The following NFATC2 variants were observed in gnomAD, a reference collection of about 807,000 sequenced individuals.
NFATC2 encodes the protein nuclear factor of activated T cells 2.
NFATC2 carries 22 observed loss-of-function variants against 87.3 expected under a neutral mutation model. The observed-to-expected ratio is 0.25, with a 90% CI of 0.18 to 0.36. The LOEUF (loss-of-function observed/expected upper bound fraction) is 0.36. NFATC2 is among the 10% of genes least tolerant of loss of function. The pLI is 1.00. For synonymous variants in NFATC2, 565 were observed against 542.2 expected (o/e 1.04, Z -0.58); for missense variants, 1,149 against 1,259.1 (o/e 0.91, Z 1.32).
intron 9 of NFATC2, among the ~76,000 whole-genome samples, chr20:51,408,445 C>A (rs1416108464): frequency 7.0e-6 from 1 of 142,348 alleles, no homozygotes; most frequent in Non-Finnish European, 1.5e-5. Flanking sequence ...ACCCAGGAGG[C>A]GTAGGTTGCA....
intron 9 of NFATC2, among the ~76,000 whole-genome samples, chr20:51,400,990 G>A (rs181185371): frequency 6.6e-6 from 1 of 152,048 alleles, no homozygotes; most frequent in East Asian, 1.9e-4. Flanking sequence ...TGGAACATAA[G>A]CACTTCAACA....
At chr20:51,468,105 C>T (rs1214708141) in intron 5 of NFATC2, among the ~76,000 whole-genome samples, 1 of 152,160 alleles carries the variant, frequency 6.6e-6, no homozygotes, top group Non-Finnish European at 1.5e-5. Context: ...AGTTCTAGAA[C>T]AGGGAAGATT....
At chr20:51,406,491 C>A (rs1356726785) in intron 9 of NFATC2, among the ~76,000 whole-genome samples, 1 of 152,184 alleles carries the variant, frequency 6.6e-6, no homozygotes, top group Non-Finnish European at 1.5e-5. Context: ...ATGCCAAGCC[C>A]GGTACACATC....
chr20:51,531,040 T>C (rs2076624809), intron 1 of NFATC2, among the ~76,000 whole-genome samples: 1 of 152,216 alleles, frequency 6.6e-6, no homozygotes, highest in Non-Finnish European at 1.5e-5. Flanking sequence ...TATAAGCACA[T>C]TACATGTAGT....
chr20:51,410,878 A>C (rs1979123217), intron 9 of NFATC2, among the ~76,000 whole-genome samples: 1 of 151,918 alleles, frequency 6.6e-6, no homozygotes, highest in Non-Finnish European at 1.5e-5. Flanking sequence ...TCTTTCTGGC[A>C]TTTTTTTCTT....
At chr20:51,506,463 G>C (rs77793604) in intron 3 of NFATC2, among the ~76,000 whole-genome samples, 11 of 151,936 alleles carry the variant, frequency 7.2e-5, no homozygotes, top group African/African-American at 2.7e-4. Flanking sequence ...ACAGAGCCCC[G>C]TGAGAAGCCA....
At chr20:51,423,023 C>A (rs972223400) in intron 9 of NFATC2, among the ~76,000 whole-genome samples, 2 of 151,338 alleles carry the variant, frequency 1.3e-5, no homozygotes, top group Non-Finnish European at 2.9e-5. Flanking sequence ...CACAGTGGCT[C>A]ACGCTTATAA....
upstream of NFATC2, among the ~76,000 whole-genome samples, chr20:51,543,252 G>C (rs2076854737): frequency 6.6e-6 from 1 of 152,194 alleles, no homozygotes; most frequent in Admixed American, 6.5e-5. Flanking sequence ...ATGCCTCCTG[G>C]CCACCTACCA....
intron 3 of NFATC2, among the ~76,000 whole-genome samples, chr20:51,485,687 C>T (rs575567927): frequency 6.6e-6 from 1 of 152,178 alleles, no homozygotes; most frequent in South Asian, 2.1e-4. Context: ...TGTGTCATGG[C>T]GGGAAAGTTA....
chr20:51,503,553 G>A (rs1283924805), intron 3 of NFATC2, among the ~76,000 whole-genome samples: 1 of 152,230 alleles, frequency 6.6e-6, no homozygotes, highest in African/African-American at 2.4e-5. Flanking sequence ...GGAGGGCCCA[G>A]GCTCAGGCCA....
At chr20:51,487,544 G>T (rs6063655) in intron 3 of NFATC2, among the ~76,000 whole-genome samples, 1 of 152,134 alleles carries the variant, frequency 6.6e-6, no homozygotes, top group South Asian at 2.1e-4. Flanking sequence ...GTTCAGCTTT[G>T]AAAAAATGTT....
intron 9 of NFATC2, among the ~76,000 whole-genome samples, chr20:51,413,965 A>ATTCT (rs1338824761): frequency 3.3e-5 from 5 of 152,206 alleles, no homozygotes; most frequent in Admixed American, 6.5e-5. Flanking sequence ...AACAGTAAAC[A>ATTCT]TCTAAGCATG....
intron 2 of NFATC2, among the ~76,000 whole-genome samples, chr20:51,517,714 C>T (rs1316448681): frequency 1.3e-5 from 2 of 151,848 alleles, no homozygotes; most frequent in East Asian, 1.9e-4. Flanking sequence ...GCCAGGAGTT[C>T]GAGACCAGCC....
chr20:51,401,432 G>A (rs923809537), intron 9 of NFATC2, among the ~76,000 whole-genome samples: 1 of 152,076 alleles, frequency 6.6e-6, no homozygotes, highest in Non-Finnish European at 1.5e-5. Context: ...AAGAGAAAGA[G>A]ACAAAGACCA....
chr20:51,399,535 C>T (rs952077803), intron 9 of NFATC2, among the ~76,000 whole-genome samples: 2 of 152,024 alleles, frequency 1.3e-5, no homozygotes, highest in African/African-American at 4.8e-5. Flanking sequence ...CCTGAAATCT[C>T]ATCTTCAAGG....
chr20:51,513,654 T>C (rs1006494901), intron 3 of NFATC2, among the ~76,000 whole-genome samples: 2 of 152,188 alleles, frequency 1.3e-5, no homozygotes, highest in East Asian at 1.9e-4. Context: ...CAGCCCCTGA[T>C]GAATGGGTGA....
intron 6 of NFATC2, among the ~76,000 whole-genome samples, chr20:51,452,552 A>G (rs1479869153): frequency 6.6e-6 from 1 of 152,136 alleles, no homozygotes; most frequent in Non-Finnish European, 1.5e-5. Flanking sequence ...GCCTTTCCAC[A>G]GAGGTGAGAT....
chr20:51,530,814 T>A (rs1029097299), intron 1 of NFATC2, among the ~76,000 whole-genome samples: 2 of 152,088 alleles, frequency 1.3e-5, no homozygotes, highest in African/African-American at 4.8e-5. Flanking sequence ...AGGCCCTCCC[T>A]GTTTCCCCAG....
At chr20:51,446,504 G>A (rs73269951) in intron 6 of NFATC2, among the ~76,000 whole-genome samples, 16,675 of 152,116 alleles carry the variant, frequency 0.11, 945 homozygotes, top group Middle Eastern at 0.15. Flanking sequence ...CCTTTGAAGT[G>A]GGAATTACAC....
Sources: gnomAD v4.1 joint callset for allele counts (sites outside exome capture counted in the v4.1 genomes callset) on GRCh38, gnomAD v4.1.1 for gene constraint, MANE v1.5 for transcripts, NCBI Gene and HGNC (gene_info 2026-07-23, HGNC 2026-07-21) for gene names.